OLFM3: variants seen among roughly 807,000 people sequenced by gnomAD.
OLFM3 encodes noelin-3.
A neutral mutation model predicts 48.6 loss-of-function variants in OLFM3; 20 were observed. The observed-to-expected ratio is 0.41, with a 90% confidence interval of 0.29 to 0.60. The LOEUF is 0.60. OLFM3 is among the 20% of genes least tolerant of loss of function. OLFM3 has a pLI of 0.28. For synonymous variants in OLFM3, 222 were observed against 198.1 expected (o/e 1.12, Z -1.01); for missense variants, 437 against 544.3 (o/e 0.80, Z 1.96).
intron 4 of OLFM3, among the ~76,000 whole-genome samples, chr1:101,819,116 A>G (rs991022682): frequency 6.6e-6 from 1 of 152,014 alleles, no homozygotes; most frequent in Non-Finnish European, 1.5e-5. Context: ...ATGCCAGGGG[A>G]CTCCAACCAC....
intron 1 of OLFM3, among the ~76,000 whole-genome samples, chr1:101,857,623 T>G (rs1329866626): frequency 6.6e-6 from 1 of 151,860 alleles, no homozygotes; most frequent in African/African-American, 2.4e-5. Context: ...TCTCTCTTCC[T>G]GCCTTCCTTC....
chr1:101,988,537 A>T (rs1200825663), intron 1 of OLFM3, among the ~76,000 whole-genome samples: 1 of 152,158 alleles, frequency 6.6e-6, no homozygotes, highest in South Asian at 2.1e-4. Flanking sequence ...TCACTGCCTC[A>T]GTATCTTGTC....
chr1:101,852,072 C>T (rs1656242830), intron 1 of OLFM3, among the ~76,000 whole-genome samples: 1 of 151,932 alleles, frequency 6.6e-6, no homozygotes, highest in Admixed American at 6.6e-5. Flanking sequence ...TTTCCAACGT[C>T]GATAAATTTT....
intron 4 of OLFM3, among the ~76,000 whole-genome samples, chr1:101,823,786 T>C (rs1183962474): frequency 6.6e-6 from 1 of 151,996 alleles, no homozygotes; most frequent in East Asian, 1.9e-4. Context: ...ATGTAGACTG[T>C]GTTTGAGGAG....
chr1:101,826,059 G>A (rs1243738688), intron 3 of OLFM3, among the ~76,000 whole-genome samples: 3 of 151,688 alleles, frequency 2.0e-5, no homozygotes, highest in African/African-American at 7.3e-5. Flanking sequence ...AGAAACCAAG[G>A]TGTGTAGTTT....
intron 1 of OLFM3, among the ~76,000 whole-genome samples, chr1:101,953,824 C>T (rs749926192): frequency 2.6e-5 from 4 of 152,014 alleles, no homozygotes; most frequent in Admixed American, 6.5e-5. Context: ...ATATTTAGCA[C>T]GGGCTGTATT....
intron 1 of OLFM3, among the ~76,000 whole-genome samples, chr1:101,960,415 G>A (rs1206002514): frequency 3.5e-4 from 54 of 152,302 alleles, no homozygotes; most frequent in Non-Finnish European, 2.6e-4. Context: ...GGTAATCTAG[G>A]TCAAGGGCTC....
chr1:101,994,740 A>G (rs1661511060), intron 1 of OLFM3, among the ~76,000 whole-genome samples: 1 of 151,854 alleles, frequency 6.6e-6, no homozygotes, highest in African/African-American at 2.4e-5. Flanking sequence ...TGTAATGTCT[A>G]TGATATAGAA....
At chr1:101,973,895 G>A (rs1156737211) in intron 1 of OLFM3, among the ~76,000 whole-genome samples, 2 of 151,984 alleles carry the variant, frequency 1.3e-5, no homozygotes, top group Non-Finnish European at 2.9e-5. Context: ...AAAGAGCAGA[G>A]GAAAAATAAA....
intron 1 of OLFM3, among the ~76,000 whole-genome samples, chr1:101,908,336 CAA>C (rs768743868): frequency 6.6e-6 from 1 of 152,086 alleles, no homozygotes; most frequent in Non-Finnish European, 1.5e-5. Flanking sequence ...AGAACAAAGG[CAA>C]AGCATTATGA....
chr1:101,983,430 C>T (rs1307058130), intron 1 of OLFM3, among the ~76,000 whole-genome samples: 2 of 152,218 alleles, frequency 1.3e-5, no homozygotes, highest in Non-Finnish European at 2.9e-5. Flanking sequence ...TGCCATGGGA[C>T]ATGTCATCCA....
chr1:101,946,780 A>G (rs1324332846), intron 1 of OLFM3, among the ~76,000 whole-genome samples: 1 of 152,178 alleles, frequency 6.6e-6, no homozygotes, highest in African/African-American at 2.4e-5. Context: ...TGGAAACTTT[A>G]GTAGATAAAC....
At chr1:101,980,812 G>A (rs1255181093) in intron 1 of OLFM3, among the ~76,000 whole-genome samples, 2 of 152,040 alleles carry the variant, frequency 1.3e-5, no homozygotes, top group African/African-American at 4.8e-5. Flanking sequence ...CACATCAGAA[G>A]AGAACTGGGC....
chr1:101,837,607 C>A (rs1655495540), intron 1 of OLFM3: 1 of 152,092 alleles, frequency 6.6e-6, no homozygotes, highest in Admixed American at 6.5e-5. Context: ...GAGTTTTTGG[C>A]AGAGTCTGCC....
At chr1:101,984,329 T>C (rs1661177749) in intron 1 of OLFM3, among the ~76,000 whole-genome samples, 1 of 152,246 alleles carries the variant, frequency 6.6e-6, no homozygotes, top group East Asian at 1.9e-4. Context: ...AAATGATTTA[T>C]TTTTTATATT....
chr1:101,934,560 C>A (rs1042343894), intron 1 of OLFM3, among the ~76,000 whole-genome samples: 3 of 152,082 alleles, frequency 2.0e-5, no homozygotes, highest in Admixed American at 6.6e-5. Context: ...TTAGACAGAT[C>A]ATGAAGTTAA....
At chr1:101,884,635 G>A (rs1351412767) in intron 1 of OLFM3, among the ~76,000 whole-genome samples, 1 of 151,932 alleles carries the variant, frequency 6.6e-6, no homozygotes, top group Non-Finnish European at 1.5e-5. Flanking sequence ...TTATAATCAG[G>A]ACTGCCCTAT....
chr1:101,837,161 G>T (rs757145130), intron 1 of OLFM3, 136 bp from the exon 2 acceptor site: 10 of 851,244 alleles, frequency 1.2e-5, no homozygotes, highest in Non-Finnish European at 1.8e-5. Context: ...TTAGCAGAGA[G>T]ATATTAAACA....
At chr1:101,844,836 T>A (rs1655908405) in intron 1 of OLFM3, among the ~76,000 whole-genome samples, 1 of 152,214 alleles carries the variant, frequency 6.6e-6, no homozygotes, top group Non-Finnish European at 1.5e-5. Flanking sequence ...AATCTGCTGC[T>A]AAAAATAGTA....
Sources: gnomAD v4.1 joint callset for allele counts (sites outside exome capture counted in the v4.1 genomes callset) on GRCh38, gnomAD v4.1.1 for gene constraint, MANE v1.5 for transcripts, NCBI Gene and HGNC (gene_info 2026-07-23, HGNC 2026-07-21) for gene names.